The following ERBB4 variants were observed in gnomAD, a reference collection of about 807,000 sequenced individuals.
The protein encoded by ERBB4 is erb-b2 receptor tyrosine kinase 4, also known as receptor tyrosine-protein kinase erbB-4.
ERBB4 carries 42 observed loss-of-function variants against 158.0 expected under a neutral mutation model. The ratio of observed to expected loss-of-function variants is 0.27; its 90% CI spans 0.21 to 0.34. The LOEUF (loss-of-function observed/expected upper bound fraction) is 0.34. ERBB4 is among the 10% of genes least tolerant of loss of function. The pLI, the probability that ERBB4 is intolerant of heterozygous loss-of-function variation, is 1.00. For missense variants in ERBB4, 1,333 were observed against 1,624.1 expected (o/e 0.82, Z 3.08); for synonymous variants, 583 against 558.7 (o/e 1.04, Z -0.61).
intron 1 of ERBB4, among the ~76,000 whole-genome samples, chr2:212,487,328 GAATA>G (rs780677480): frequency 2.0e-5 from 3 of 151,676 alleles, no homozygotes; most frequent in East Asian, 1.9e-4. Context: ...CTGAAGTTTA[GAATA>G]AATAAAAAAT....
intron 1 of ERBB4, among the ~76,000 whole-genome samples, chr2:212,400,469 A>T (rs1003900600): frequency 2.0e-5 from 3 of 152,216 alleles, no homozygotes; most frequent in African/African-American, 7.2e-5. Context: ...TTTATAGAAT[A>T]CAAATAACTT....
chr2:212,319,596 C>G (rs1192302880), intron 1 of ERBB4, among the ~76,000 whole-genome samples: 1 of 150,344 alleles, frequency 6.7e-6, no homozygotes, highest in East Asian at 2.0e-4. Flanking sequence ...AATGGCAAAG[C>G]AACTTTGCAT....
intron 1 of ERBB4, among the ~76,000 whole-genome samples, chr2:212,134,331 T>C (rs2080201596): frequency 6.6e-6 from 1 of 152,110 alleles, no homozygotes. Context: ...CTTATTCATT[T>C]GTACTGGTAT....
intron 1 of ERBB4, among the ~76,000 whole-genome samples, chr2:212,292,307 A>G (rs1216419357): frequency 2.0e-5 from 3 of 151,994 alleles, no homozygotes; most frequent in South Asian, 2.1e-4. Flanking sequence ...TTTTCATCTT[A>G]TACATAAAAA....
chr2:212,341,764 C>A (rs13395316), intron 1 of ERBB4, among the ~76,000 whole-genome samples: 40,458 of 152,060 alleles, frequency 0.27, 5,681 homozygotes, highest in African/African-American at 0.3. Flanking sequence ...AATCTATCTT[C>A]ATTCTTATCA....
intron 1 of ERBB4, among the ~76,000 whole-genome samples, chr2:212,417,381 TATTCCTA>T (rs2091681675): frequency 6.6e-6 from 1 of 152,018 alleles, no homozygotes; most frequent in Non-Finnish European, 1.5e-5. Context: ...ACACATTGAG[TATTCCTA>T]ATCCAAAAAT....
intron 1 of ERBB4, among the ~76,000 whole-genome samples, chr2:212,488,536 C>T (rs1007477457): frequency 1.3e-5 from 2 of 152,010 alleles, no homozygotes; most frequent in African/African-American, 4.8e-5. Context: ...AGACACTATA[C>T]TTCAAGGCAC....
intron 20 of ERBB4, among the ~76,000 whole-genome samples, chr2:211,471,076 C>A (rs993499676): frequency 2.0e-5 from 3 of 152,032 alleles, no homozygotes; most frequent in Non-Finnish European, 4.4e-5. Context: ...CTACCGAAGA[C>A]CATTATAACA....
intron 1 of ERBB4, among the ~76,000 whole-genome samples, chr2:212,534,714 T>C (rs1025542555): frequency 1.3e-5 from 2 of 152,146 alleles, no homozygotes; most frequent in Non-Finnish European, 2.9e-5. Context: ...AGAGAATCTA[T>C]AGTAACAGAA....
At chr2:212,424,711 T>G (rs1021907641) in intron 1 of ERBB4, among the ~76,000 whole-genome samples, 1 of 152,108 alleles carries the variant, frequency 6.6e-6, no homozygotes, top group Non-Finnish European at 1.5e-5. Context: ...AATTTTTTTT[T>G]GTTTTCTTTT....
At chr2:212,028,048 C>A (rs2076815244) in intron 2 of ERBB4, among the ~76,000 whole-genome samples, 1 of 152,004 alleles carries the variant, frequency 6.6e-6, no homozygotes, top group Admixed American at 6.6e-5. Flanking sequence ...AGGAAGTTGC[C>A]AGTTGTTGTC....
chr2:211,513,839 G>A (rs2125622198), intron 20 of ERBB4, among the ~76,000 whole-genome samples: 1 of 151,912 alleles, frequency 6.6e-6, no homozygotes, highest in Admixed American at 6.6e-5. Context: ...TATTTTTGGG[G>A]GGGATTAAAA....
Position 212,124,965 on chromosome 2 carries a change from A to T in ERBB4, c.83-62T>A, listed in dbSNP as rs374179404. 7.4e-5 allele frequency: 117 copies of T among 1,570,526 alleles called. No individual in the cohort carries two copies. In the East Asian group the frequency reaches 2.4e-3, roughly 33 times the overall value. ...CCTTTATATGATATGCGCAATGATA[A>T]TATCTTTCTCAAAACTCTCTATTCC... On this transcript the variant is annotated intron_variant, in intron 1 of 27. Transcript: ENST00000342788.
intron 1 of ERBB4, among the ~76,000 whole-genome samples, chr2:212,383,800 A>C (rs576456818): frequency 5.9e-5 from 9 of 151,842 alleles, no homozygotes; most frequent in African/African-American, 1.9e-4. Flanking sequence ...TGTGTTATCG[A>C]AGACAATTAT....
chr2:211,979,600 T>G (rs940750340), intron 2 of ERBB4, among the ~76,000 whole-genome samples: 2 of 152,140 alleles, frequency 1.3e-5, no homozygotes, highest in Non-Finnish European at 2.9e-5. Context: ...TGGGCCACTT[T>G]AATCAGGTGT....
intron 14 of ERBB4, among the ~76,000 whole-genome samples, chr2:211,672,775 T>C (rs1408332663): frequency 1.3e-5 from 2 of 152,212 alleles, no homozygotes; most frequent in African/African-American, 4.8e-5. Flanking sequence ...TAGCCTATCT[T>C]GATGTCTCAA....
intron 20 of ERBB4, among the ~76,000 whole-genome samples, chr2:211,536,922 G>GA (rs2066671018): frequency 6.7e-6 from 1 of 149,936 alleles, no homozygotes; most frequent in African/African-American, 2.5e-5. Flanking sequence ...GGTAGAGCAG[G>GA]AAAAAACAAA....
At chr2:212,294,191 T>C (rs1450001455) in intron 1 of ERBB4, among the ~76,000 whole-genome samples, 3 of 152,032 alleles carry the variant, frequency 2.0e-5, no homozygotes, top group Non-Finnish European at 4.4e-5. Flanking sequence ...ATGGAACAAA[T>C]ACAAGGTTTT....
chr2:211,383,927 C>T lies in ERBB4; in HGVS notation c.3615G>A (p.Glu1205=), dbSNP rs780775227. 1 of 1,614,070 alleles carries T rather than the reference C, an allele frequency of 6.2e-7. No homozygotes were observed. Among genetic ancestry groups the T allele is most frequent in the South Asian group, 1.1e-5 (1 of 91,076 alleles). Residue 1205 remains glutamate, a synonymous_variant, in exon 28 of 28, where the codon GAG becomes GAA. Coordinates refer to ENST00000342788, the MANE Select transcript of ERBB4 (RefSeq NM_005235.3). ...TGGCAAAGGTGTTGAGGTACAGTGGCTCATTCACATACTCATCCTCGGCCT... is the reference window on the plus strand; with the variant it reads ...TGGCAAAGGTGTTGAGGTACAGTGGTTCATTCACATACTCATCCTCGGCCT... ...PPKAEDEYVN[E]PLYLNTFANT...
Sources: gnomAD v4.1 joint callset for allele counts (sites outside exome capture counted in the v4.1 genomes callset) on GRCh38, gnomAD v4.1.1 for gene constraint, MANE v1.5 for transcripts, NCBI Gene and HGNC (gene_info 2026-07-23, HGNC 2026-07-21) for gene names.